CLCN3: variants seen among roughly 807,000 people sequenced by gnomAD.
CLCN3 encodes the protein Cl-/H+ antiporter 3.
CLCN3 carries 16 observed loss-of-function variants against 83.4 expected under a neutral mutation model. The observed-to-expected ratio is 0.19, with a 90% CI of 0.13 to 0.29. The LOEUF is 0.29. CLCN3 is among the 10% of genes least tolerant of loss of function. The pLI is 1.00. For missense variants in CLCN3, 544 were observed against 1,006.0 expected (o/e 0.54, Z 6.21); for synonymous variants, 322 against 346.2 (o/e 0.93, Z 0.78).
intron 1 of CLCN3, among the ~76,000 whole-genome samples, chr4:169,635,121 T>G (rs1371259500): frequency 2.0e-5 from 3 of 152,168 alleles, no homozygotes; most frequent in Non-Finnish European, 1.5e-5. Flanking sequence ...ATTTTCTGTG[T>G]GTACTTACTA....
At chr4:169,653,983 G>C (rs929403875) in intron 2 of CLCN3, among the ~76,000 whole-genome samples, 3 of 152,056 alleles carry the variant, frequency 2.0e-5, no homozygotes, top group Non-Finnish European at 2.9e-5. Context: ...ATTTGGAGGG[G>C]ACAAAACAAC....
chr4:169,673,428 C>T (rs779078638), intron 2 of CLCN3, among the ~76,000 whole-genome samples: 2 of 152,180 alleles, frequency 1.3e-5, no homozygotes, highest in Non-Finnish European at 2.9e-5. Flanking sequence ...TGTACTTTTC[C>T]ACTTCGTCAT....
At chr4:169,706,768 T>A (rs1182238364) in intron 10 of CLCN3, 100 bp from the exon 11 acceptor site, 50 of 914,422 alleles carry the variant, frequency 5.5e-5, no homozygotes, top group Non-Finnish European at 8.5e-5. Flanking sequence ...GACTGAGTTC[T>A]ATTTGCCATT....
chr4:169,715,844 A>G (rs1733404349), intron 12 of CLCN3, among the ~76,000 whole-genome samples: 1 of 152,068 alleles, frequency 6.6e-6, no homozygotes, highest in African/African-American at 2.4e-5. Flanking sequence ...GTGACTGTCT[A>G]AGTTTGGAAA....
intron 2 of CLCN3, among the ~76,000 whole-genome samples, chr4:169,675,031 C>A (rs1236600878): frequency 6.6e-6 from 1 of 152,226 alleles, no homozygotes; most frequent in Non-Finnish European, 1.5e-5. Context: ...CGTGGGCCAC[C>A]ACTCCCGGCT....
chr4:169,636,800 A>G (rs756835196), intron 2 of CLCN3, among the ~76,000 whole-genome samples: 2 of 137,126 alleles, frequency 1.5e-5, no homozygotes, highest in African/African-American at 2.8e-5. Flanking sequence ...TCATGTGCAT[A>G]TGTTTTAGTG....
intron 1 of CLCN3, among the ~76,000 whole-genome samples, chr4:169,625,956 C>T (rs987023951): frequency 2.6e-5 from 4 of 152,162 alleles, no homozygotes; most frequent in Non-Finnish European, 5.9e-5. Context: ...CAACTGGGTG[C>T]CCCCCGGTTC....
intron 2 of CLCN3, among the ~76,000 whole-genome samples, chr4:169,638,915 G>A (rs912515199): frequency 1.3e-5 from 2 of 152,200 alleles, no homozygotes; most frequent in Non-Finnish European, 2.9e-5. Context: ...TTACTGATTG[G>A]TTAGGACAAT....
chr4:169,627,098 C>T (rs1291882052), intron 1 of CLCN3, among the ~76,000 whole-genome samples: 1 of 152,094 alleles, frequency 6.6e-6, no homozygotes, highest in Non-Finnish European at 1.5e-5. Context: ...TTCATGGTTT[C>T]CCCTGTGTAT....
At chr4:169,707,395 CTTCTG>C (rs1733035936) in intron 11 of CLCN3, 129 bp downstream of exon 11, 1 of 599,392 alleles carries the variant, frequency 1.7e-6, no homozygotes, top group Non-Finnish European at 2.7e-6. Context: ...CCCTTAAAAT[CTTCTG>C]TTCTTTAGGA....
At chr4:169,661,920 T>A (rs1172024131) in intron 2 of CLCN3, among the ~76,000 whole-genome samples, 2 of 152,152 alleles carry the variant, frequency 1.3e-5, no homozygotes, top group Admixed American at 1.3e-4. Flanking sequence ...AATGTCACAT[T>A]ATTTGCTAAT....
At chr4:169,717,455 A>G (rs1050684120) in intron 12 of CLCN3, among the ~76,000 whole-genome samples, 1 of 152,176 alleles carries the variant, frequency 6.6e-6, no homozygotes, top group Admixed American at 6.5e-5. Flanking sequence ...GAAACTCTAC[A>G]TATCAGAGGT....
chr4:169,678,453 G>T (rs1369013763), intron 2 of CLCN3, among the ~76,000 whole-genome samples: 1 of 151,826 alleles, frequency 6.6e-6, no homozygotes, highest in African/African-American at 2.4e-5. Context: ...TCACTCTTGG[G>T]TGTTTCTCGG....
chr4:169,687,684 A>T lies in CLCN3; in HGVS notation c.345A>T (p.Ala115=). The T allele has an allele frequency of 1.2e-6, 2 of 1,611,464 alleles. No individual in the cohort carries two copies. Among genetic ancestry groups the T allele is most frequent in the South Asian group, 1.1e-5 (1 of 90,702 alleles). The change falls in exon 4 of 13, where the codon GCA becomes GCT. Residue 115 remains alanine, a synonymous_variant. Coordinates refer to ENST00000513761, the MANE Select transcript of CLCN3 (RefSeq NM_001829.4). Reference sequence around the variant, plus strand: ...TCAACAGCAAAAAGAAAGAATCAGCATGGGAAATGACAAAAAGTTTGTATG... The same window carrying T: ...TCAACAGCAAAAAGAAAGAATCAGCTTGGGAAATGACAAAAAGTTTGTATG... ...RRINSKKKES[A]WEMTKSLYDA...
intron 5 of CLCN3, among the ~76,000 whole-genome samples, chr4:169,689,619 T>C (rs1325826577): frequency 1.3e-5 from 2 of 152,220 alleles, no homozygotes; most frequent in Non-Finnish European, 2.9e-5. Flanking sequence ...TACGTAGAGA[T>C]ACATTGAAGA....
intron 7 of CLCN3, among the ~76,000 whole-genome samples, chr4:169,694,636 C>T (rs76933484): frequency 2.6e-5 from 4 of 152,064 alleles, no homozygotes; most frequent in African/African-American, 4.8e-5. Flanking sequence ...GTCAGGAATT[C>T]GAGACCAGTG....
chr4:169,647,463 T>C (rs1730608023), intron 2 of CLCN3, among the ~76,000 whole-genome samples: 1 of 151,810 alleles, frequency 6.6e-6, no homozygotes, highest in Non-Finnish European at 1.5e-5. Flanking sequence ...AATGGCAGAG[T>C]CTAGGACTGA....
intron 3 of CLCN3, among the ~76,000 whole-genome samples, chr4:169,684,761 A>G (rs1238727508): frequency 6.6e-6 from 1 of 152,186 alleles, no homozygotes; most frequent in Non-Finnish European, 1.5e-5. Flanking sequence ...CTAAACTTCT[A>G]ATTCTTAAAT....
chr4:169,656,151 TG>T (rs1730876627), intron 2 of CLCN3, among the ~76,000 whole-genome samples: 1 of 152,250 alleles, frequency 6.6e-6, no homozygotes, highest in Admixed American at 6.5e-5. Context: ...TGTGTCCAAA[TG>T]TAAACTTAAA....
Sources: allele counts gnomAD v4.1 joint callset (sites outside exome capture counted in the v4.1 genomes callset), GRCh38; gene constraint gnomAD v4.1.1; transcripts MANE v1.5; gene names NCBI Gene and HGNC (gene_info 2026-07-23, HGNC 2026-07-21).